Variants in TRPC5 observed in about 807,000 individuals in gnomAD.
TRPC5 encodes short transient receptor potential channel 5.
A neutral mutation model predicts 56.5 loss-of-function variants in TRPC5; 9 were observed. That is an observed-to-expected ratio of 0.16 (90% CI 0.10 to 0.28). The LOEUF (loss-of-function observed/expected upper bound fraction) is 0.28. Ranked by LOEUF, TRPC5 falls within the 10% of genes least tolerant of loss-of-function variation. TRPC5 has a pLI of 1.00. For synonymous variants in TRPC5, 282 were observed against 278.5 expected (o/e 1.01, Z -0.13); for missense variants, 469 against 748.9 (o/e 0.63, Z 4.36).
chrX:111,814,895 G>A (rs1463427533), intron 7 of TRPC5, among the ~76,000 whole-genome samples: 1 of 110,744 alleles, frequency 9.0e-6, no homozygotes, highest in African/African-American at 3.3e-5. Flanking sequence ...GCAAACCTCA[G>A]AACTCAAGCT....
At chrX:111,785,193 A>G (rs1945951892) in intron 7 of TRPC5, among the ~76,000 whole-genome samples, 1 of 111,875 alleles carries the variant, frequency 8.9e-6, no homozygotes, top group Admixed American at 9.5e-5. Flanking sequence ...CTTCCAGAGG[A>G]AGGATTAGGC....
At chrX:112,026,121 C>A (rs1421335261) in intron 1 of TRPC5, among the ~76,000 whole-genome samples, 1 of 111,875 alleles carries the variant, frequency 8.9e-6, no homozygotes, top group Non-Finnish European at 1.9e-5. Flanking sequence ...TGCCATGATA[C>A]CCTCCTTCCA....
intron 3 of TRPC5, among the ~76,000 whole-genome samples, chrX:111,868,080 C>A (rs1923601656): frequency 8.9e-6 from 1 of 112,082 alleles, no homozygotes. Flanking sequence ...TGAGTGACTA[C>A]TGGATGTCAA....
intron 1 of TRPC5, among the ~76,000 whole-genome samples, chrX:112,062,639 A>G (rs4534285): frequency 0.19 from 21,428 of 111,769 alleles, 2,171 homozygotes; most frequent in African/African-American, 0.39. Flanking sequence ...CAGAGGAAGC[A>G]GAGGTTGTGT....
At chrX:111,860,034 G>C (rs1364223084) in intron 3 of TRPC5, among the ~76,000 whole-genome samples, 1 of 112,140 alleles carries the variant, frequency 8.9e-6, no homozygotes, top group Non-Finnish European at 1.9e-5. Context: ...TCGGCCTCCC[G>C]AGTAGCTGGG....
intron 2 of TRPC5, among the ~76,000 whole-genome samples, chrX:111,920,804 G>T (rs367936494): frequency 9.0e-6 from 1 of 111,630 alleles, no homozygotes; most frequent in East Asian, 2.8e-4. Context: ...CCACTGTACA[G>T]CTTGATTCCT....
intron 7 of TRPC5, among the ~76,000 whole-genome samples, chrX:111,806,898 T>C (rs985067037): frequency 3.4e-4 from 38 of 111,505 alleles, no homozygotes; most frequent in Non-Finnish European, 7.5e-5. Flanking sequence ...TGCTACTCTC[T>C]CCTGGCCTGT....
chrX:111,913,060 C>T (rs1273527430), intron 2 of TRPC5, among the ~76,000 whole-genome samples: 1 of 111,491 alleles, frequency 9.0e-6, no homozygotes, highest in East Asian at 2.8e-4. Context: ...GGTAAATATT[C>T]TTCCCATATG....
At chrX:111,841,456 G>C (rs1030254189) in intron 6 of TRPC5, among the ~76,000 whole-genome samples, 1 of 111,630 alleles carries the variant, frequency 9.0e-6, no homozygotes, top group African/African-American at 3.3e-5. Flanking sequence ...TTGTACTCTA[G>C]TTTCCCTATC....
intron 3 of TRPC5, among the ~76,000 whole-genome samples, chrX:111,863,111 A>G (rs1353714092): frequency 3.6e-5 from 4 of 112,018 alleles, no homozygotes; most frequent in Non-Finnish European, 1.9e-5. Flanking sequence ...GAGACATTCC[A>G]TTCTACTAGG....
chrX:111,968,583 C>T (rs763737144), intron 1 of TRPC5, among the ~76,000 whole-genome samples: 8,696 of 109,574 alleles, frequency 0.079, 343 homozygotes, highest in Non-Finnish European at 0.12. Flanking sequence ...CCCAAATGTC[C>T]AACAACGATA....
chrX:111,818,982 G>T (rs1921949624), intron 7 of TRPC5, among the ~76,000 whole-genome samples: 1 of 111,757 alleles, frequency 8.9e-6, no homozygotes, highest in Non-Finnish European at 1.9e-5. Flanking sequence ...TATAGATTGG[G>T]AAACAGGCTC....
At chrX:111,919,906 G>A (rs1321190834) in intron 2 of TRPC5, among the ~76,000 whole-genome samples, 7 of 112,366 alleles carry the variant, frequency 6.2e-5, no homozygotes, top group Admixed American at 9.4e-5. Context: ...CCTGCAGGTC[G>A]CAGGTTTGAT....
At chrX:112,001,519 G>A (rs907036523) in intron 1 of TRPC5, among the ~76,000 whole-genome samples, 1 of 112,057 alleles carries the variant, frequency 8.9e-6, no homozygotes, top group Admixed American at 9.5e-5. Context: ...TAGCACTTTG[G>A]GAGGCCGAGC....
intron 3 of TRPC5, among the ~76,000 whole-genome samples, chrX:111,860,327 A>G (rs1923372155): frequency 8.9e-6 from 1 of 112,691 alleles, no homozygotes; most frequent in South Asian, 3.6e-4. Context: ...GCTTAAGACA[A>G]GTTTTCTTGA....
intron 7 of TRPC5, among the ~76,000 whole-genome samples, chrX:111,815,282 C>T (rs969802180): frequency 7.2e-5 from 8 of 111,557 alleles, no homozygotes; most frequent in Non-Finnish European, 1.1e-4. Flanking sequence ...ATGCAGATTC[C>T]TGGGTCCCAC....
In TRPC5 at chrX:111,774,430, A is replaced by T. The variant is rs1337680449; in HGVS notation, c.*1883T>A. The T allele has an allele frequency of 8.9e-6, 1 of 112,047 alleles. No individual in the cohort carries two copies. The highest frequency in any genetic ancestry group is 1.9e-5 in the Non-Finnish European group (1 of 53,203). The allele number at this position is 112,047 out of a possible 1,213,427, so 9.2% of individuals were successfully genotyped here. ...AAACCTTTCTGGAAAGTAACCTGTG[A>T]TTAAATGTCAAGGCCATTTTATGAC... On this transcript the variant is annotated 3_prime_UTR_variant, in exon 11 of 11. Coordinates refer to ENST00000262839, the MANE Select transcript of TRPC5 (RefSeq NM_012471.3).
At chrX:111,966,526 A>C (rs1487777869) in intron 1 of TRPC5, among the ~76,000 whole-genome samples, 1 of 111,863 alleles carries the variant, frequency 8.9e-6, no homozygotes, top group Non-Finnish European at 1.9e-5. Flanking sequence ...GACACAACCA[A>C]AAAAGAGAAT....
chrX:111,969,017 A>C (rs1217731486), intron 1 of TRPC5, among the ~76,000 whole-genome samples: 90 of 104,677 alleles, frequency 8.6e-4, no homozygotes, highest in African/African-American at 2.7e-3. Flanking sequence ...AAATAAAATA[A>C]AATAAAAACA....
Sources: gnomAD v4.1 joint callset for allele counts (sites outside exome capture counted in the v4.1 genomes callset) on GRCh38, gnomAD v4.1.1 for gene constraint, MANE v1.5 for transcripts, NCBI Gene and HGNC (gene_info 2026-07-23, HGNC 2026-07-21) for gene names.